ZNF385B: variants seen among roughly 807,000 people sequenced by gnomAD.
ZNF385B encodes the protein zinc finger protein 385B, also known as zinc finger protein 533.
In ZNF385B, 23 loss-of-function variants were observed where a neutral mutation model predicts 39.2. That is an observed-to-expected ratio of 0.59 (90% confidence interval 0.42 to 0.83). The LOEUF is 0.83. Ranked by LOEUF, ZNF385B falls within the 40% of genes least tolerant of loss-of-function variation. The pLI, the probability that ZNF385B is intolerant of heterozygous loss-of-function variation, is 0.00. For missense variants in ZNF385B, 552 were observed against 598.9 expected (o/e 0.92, Z 0.82); for synonymous variants, 205 against 222.6 (o/e 0.92, Z 0.70).
intron 3 of ZNF385B, among the ~76,000 whole-genome samples, chr2:179,639,645 A>G (rs1333400001): frequency 6.6e-6 from 1 of 152,154 alleles, no homozygotes; most frequent in African/African-American, 2.4e-5. Flanking sequence ...TAGAGGAAGG[A>G]GGGAAAGCCA....
intron 3 of ZNF385B, among the ~76,000 whole-genome samples, chr2:179,650,054 G>A (rs1016750301): frequency 1.3e-5 from 2 of 152,112 alleles, no homozygotes; most frequent in Non-Finnish European, 2.9e-5. Flanking sequence ...GCACAAGGCG[G>A]GCAATAATGA....
chr2:179,722,064 T>A (rs987969441), intron 3 of ZNF385B, among the ~76,000 whole-genome samples: 1 of 152,078 alleles, frequency 6.6e-6, no homozygotes. Flanking sequence ...GTATTAACAA[T>A]GATCAATTAG....
At chr2:179,450,122 A>T (rs1436148351) in intron 6 of ZNF385B, among the ~76,000 whole-genome samples, 1 of 151,660 alleles carries the variant, frequency 6.6e-6, no homozygotes, top group Non-Finnish European at 1.5e-5. Context: ...TAAAGACTTA[A>T]ATGTTAGACC....
At chr2:179,595,064 T>C (rs1687886895) in intron 3 of ZNF385B, among the ~76,000 whole-genome samples, 2 of 152,158 alleles carry the variant, frequency 1.3e-5, no homozygotes, top group Admixed American at 1.3e-4. Context: ...TAAATGCCAA[T>C]AAAAATAATC....
intron 5 of ZNF385B, among the ~76,000 whole-genome samples, chr2:179,493,717 ATATACGTATATACATATATG>A: frequency 7.5e-6 from 1 of 133,080 alleles, no homozygotes; most frequent in African/African-American, 2.7e-5. Context: ...ACACATATGC[ATATACGTATATACATATATG>A]TATACATATG....
chr2:179,454,399 A>G lies in ZNF385B; in HGVS notation c.716-7629T>C, dbSNP rs189900209. 1.2e-4 allele frequency among the ~76,000 whole-genome samples: 18 copies of G among 152,344 alleles called. No homozygotes were observed. In the East Asian group the frequency reaches 3.5e-3, roughly 29 times the overall value. ...ATATAAAAGTATAGCACACACAATT[A>G]TGTAAGGTATATAATACTTGATAAT... On this transcript the variant is annotated intron_variant, in intron 6 of 9. Coordinates refer to ENST00000410066, the MANE Select transcript of ZNF385B (RefSeq NM_152520.6).
Position 179,760,226 on chromosome 2 carries a change from G to A in ZNF385B, c.298+9277C>T, listed in dbSNP as rs113235178. On this transcript the variant is annotated intron_variant, in intron 3 of 9. Coordinates refer to ENST00000410066, the MANE Select transcript of ZNF385B (RefSeq NM_152520.6). ...GTATTACCTGGATTCCTGTGTGCGT[G>A]TGTGTGTGTGTGTGTGTGTGTGTGT... Among the ~76,000 whole-genome samples, 9 of 121,306 alleles carry A rather than the reference G, an allele frequency of 7.4e-5. No homozygotes were observed. In the East Asian group the frequency reaches 1.8e-3, roughly 25 times the overall value. 79.6% of individuals were successfully genotyped at this position (121,306 alleles called of 152,430 possible). A position where few individuals can be genotyped will look rare whatever the true frequency, so the allele number is the denominator to read the frequency against.
At chr2:179,651,402 A>G (rs1693180903) in intron 3 of ZNF385B, among the ~76,000 whole-genome samples, 1 of 152,154 alleles carries the variant, frequency 6.6e-6, no homozygotes, top group African/African-American at 2.4e-5. Context: ...GAAAAATAAG[A>G]TATTTGTTTC....
intron 3 of ZNF385B, among the ~76,000 whole-genome samples, chr2:179,596,891 C>A (rs978016474): frequency 1.3e-5 from 2 of 152,072 alleles, no homozygotes; most frequent in Non-Finnish European, 2.9e-5. Flanking sequence ...TCTGAGCAGG[C>A]CACATTTTCA....
rs1328535869 is a variant in ZNF385B, at chr2:179,725,835, T to C, written c.298+43668A>G. Among the ~76,000 whole-genome samples, 6 of 150,442 alleles carry C rather than the reference T, an allele frequency of 4.0e-5. No individual in the cohort carries two copies. In the East Asian group the frequency reaches 1.2e-3, roughly 29 times the overall value. On this transcript the variant is annotated intron_variant, in intron 3 of 9. Coordinates refer to ENST00000410066, the MANE Select transcript of ZNF385B (RefSeq NM_152520.6). ...AACCTATATAGATATACATCTCAGATATATCATATATACATATATCATATA... is the reference window on the plus strand; with the variant it reads ...AACCTATATAGATATACATCTCAGACATATCATATATACATATATCATATA...
intron 5 of ZNF385B, among the ~76,000 whole-genome samples, chr2:179,494,186 A>G (rs62177233): frequency 0.3 from 45,150 of 151,984 alleles, 7,252 homozygotes; most frequent in Non-Finnish European, 0.36. Flanking sequence ...TTAACCAGGT[A>G]GATATCTGGG....
At chr2:179,449,204 C>A (rs2049821101) in intron 6 of ZNF385B, among the ~76,000 whole-genome samples, 1 of 152,044 alleles carries the variant, frequency 6.6e-6, no homozygotes, top group Non-Finnish European at 1.5e-5. Context: ...ACAACAGAAA[C>A]TGGTAAGAGG....
chr2:179,822,997 T>C (rs1707490165), intron 1 of ZNF385B, among the ~76,000 whole-genome samples: 1 of 152,176 alleles, frequency 6.6e-6, no homozygotes, highest in African/African-American at 2.4e-5. Flanking sequence ...GAAATTTTCA[T>C]CTAAAGATGG....
chr2:179,644,263 C>A (rs1314268126), intron 3 of ZNF385B, among the ~76,000 whole-genome samples: 6 of 152,260 alleles, frequency 3.9e-5, no homozygotes, highest in Middle Eastern at 3.4e-3. Flanking sequence ...GTAATGTTAG[C>A]AGTTCACTTG....
In ZNF385B at chr2:179,557,421, T is replaced by G. The variant is rs541075003; in HGVS notation, c.299-12452A>C. Among the ~76,000 whole-genome samples the G allele has an allele frequency of 5.3e-5, 8 of 150,496 alleles. No homozygotes were observed. In the South Asian group the frequency reaches 1.7e-3, roughly 32 times the overall value. On this transcript the variant is annotated intron_variant, in intron 3 of 9. Transcript: ENST00000410066. ...GCCAGTGTGGCCAAAAGCCAACATT[T>G]CTTTCCAATTTATAAAATAGCACAA...
At chr2:179,732,621 T>C (rs1701469470) in intron 3 of ZNF385B, among the ~76,000 whole-genome samples, 1 of 152,190 alleles carries the variant, frequency 6.6e-6, no homozygotes, top group Non-Finnish European at 1.5e-5. Flanking sequence ...AGCTGGGATT[T>C]TGAGCTTATT....
chr2:179,538,145 T>C (rs1455178759), intron 4 of ZNF385B, among the ~76,000 whole-genome samples: 3 of 152,142 alleles, frequency 2.0e-5, no homozygotes, highest in Admixed American at 1.3e-4. Context: ...GCAGAGTCAG[T>C]TGGACATACT....
chr2:179,670,087 C>T (rs1413650051), intron 3 of ZNF385B, among the ~76,000 whole-genome samples: 2 of 151,744 alleles, frequency 1.3e-5, no homozygotes, highest in African/African-American at 4.8e-5. Flanking sequence ...GTCAGGAGAT[C>T]GAGACCATCC....
chr2:179,618,533 A>G (rs892424098), intron 3 of ZNF385B, among the ~76,000 whole-genome samples: 2 of 151,782 alleles, frequency 1.3e-5, no homozygotes, highest in African/African-American at 4.8e-5. Flanking sequence ...ATTTTCTCCT[A>G]TTTTCTGGTA....
Sources: allele counts gnomAD v4.1 joint callset (sites outside exome capture counted in the v4.1 genomes callset), GRCh38; gene constraint gnomAD v4.1.1; transcripts MANE v1.5; gene names NCBI Gene and HGNC (gene_info 2026-07-23, HGNC 2026-07-21).